PDHX: variants seen among roughly 807,000 people sequenced by gnomAD.
PDHX encodes the protein pyruvate dehydrogenase protein X component, mitochondrial.
PDHX carries 33 observed loss-of-function variants against 55.3 expected under a neutral mutation model. The ratio of observed to expected loss-of-function variants is 0.60; its 90% CI spans 0.45 to 0.80. The LOEUF (loss-of-function observed/expected upper bound fraction) is 0.80, where lower values mean the gene tolerates loss of function less well. PDHX is among the 30% of genes least tolerant of loss of function. The pLI is 0.00. For missense variants in PDHX, 622 were observed against 619.9 expected (o/e 1.00, Z -0.04); for synonymous variants, 226 against 219.4 (o/e 1.03, Z -0.27).
intron 10 of PDHX, among the ~76,000 whole-genome samples, chr11:34,992,909 T>C (rs1465126914): frequency 6.6e-6 from 1 of 151,620 alleles, no homozygotes; most frequent in Non-Finnish European, 1.5e-5. Flanking sequence ...CTTTAGCAGC[T>C]ACTACCAAAC....
At chr11:34,959,521 G>C (rs1041610053) in intron 4 of PDHX, among the ~76,000 whole-genome samples, 1 of 151,720 alleles carries the variant, frequency 6.6e-6, no homozygotes, top group Admixed American at 6.6e-5. Context: ...TGCAGCTACT[G>C]TGGAAAACAG....
chr11:34,985,768 T>C (rs1358403669), intron 9 of PDHX, among the ~76,000 whole-genome samples: 2 of 151,996 alleles, frequency 1.3e-5, no homozygotes, highest in African/African-American at 4.8e-5. Context: ...AGATATGAGG[T>C]AGAACGTAAG....
rs531195234 is a variant in PDHX, at chr11:34,970,135, G to T, written c.817-4G>T. 1.1e-5 allele frequency: 18 copies of T among 1,612,062 alleles called. No homozygotes were observed. In the African/African-American group the frequency reaches 2.3e-4, roughly 20 times the overall value. On this transcript the variant is annotated splice_region_variant and splice_polypyrimidine_tract_variant and intron_variant, in intron 6 of 10. Transcript: ENST00000227868. ...TTAACGGACAGGTTGCTGTCTTTTT[G>T]CAGGGCACATTCACTGAAATCCCCG...
chr11:34,959,406 C>A (rs1590752204), intron 4 of PDHX, among the ~76,000 whole-genome samples: 1 of 27,118 alleles, frequency 3.7e-5, no homozygotes, highest in Non-Finnish European at 1.7e-4. Flanking sequence ...AGTATCAAAA[C>A]AAACAAACAA....
chr11:34,961,375 G>T (rs1029492738), intron 5 of PDHX, among the ~76,000 whole-genome samples: 2 of 152,060 alleles, frequency 1.3e-5, no homozygotes, highest in Admixed American at 1.3e-4. Context: ...AATCAAATAG[G>T]CTTATGAACT....
rs1192482727 is a variant in PDHX at position 34,950,717 on chromosome 11, A to G, written c.342+3111A>G. 7.3e-5 allele frequency among the ~76,000 whole-genome samples: 11 copies of G among 150,492 alleles called. No homozygotes were observed. In the South Asian group the frequency reaches 2.3e-3, roughly 32 times the overall value. On this transcript the variant is annotated intron_variant, in intron 3 of 10. Coordinates refer to ENST00000227868, the MANE Select transcript of PDHX (RefSeq NM_003477.3). ...AAAGGACATGAACTCATCATTTTTT[A>G]TGGCTGCATAGTATTCCATGGTGTA...
intron 1 of PDHX, among the ~76,000 whole-genome samples, chr11:34,922,569 T>C (rs1853910294): frequency 6.6e-6 from 1 of 152,192 alleles, no homozygotes; most frequent in Non-Finnish European, 1.5e-5. Context: ...AAGTTCACCG[T>C]GTGTACATCC....
At chr11:34,920,731 A>G (rs1383023959) in intron 1 of PDHX, among the ~76,000 whole-genome samples, 3 of 151,860 alleles carry the variant, frequency 2.0e-5, no homozygotes, top group Admixed American at 6.6e-5. Flanking sequence ...TATTTGCATC[A>G]CCTCTAGTTG....
At chr11:34,968,589 A>G (rs888976039) in intron 6 of PDHX, among the ~76,000 whole-genome samples, 2 of 152,244 alleles carry the variant, frequency 1.3e-5, no homozygotes, top group African/African-American at 4.8e-5. Flanking sequence ...TATCTCATTC[A>G]TACTTTCTAT....
chr11:34,990,757 A>G (rs978396001), intron 9 of PDHX, among the ~76,000 whole-genome samples: 1 of 152,174 alleles, frequency 6.6e-6, no homozygotes, highest in Admixed American at 6.5e-5. Flanking sequence ...CCACATCCAA[A>G]TAGCATACAC....
At chr11:34,932,020 A>T (rs1854188646) in intron 2 of PDHX, among the ~76,000 whole-genome samples, 1 of 152,192 alleles carries the variant, frequency 6.6e-6, no homozygotes, top group Non-Finnish European at 1.5e-5. Flanking sequence ...TGCTTAAAAG[A>T]CAGACCAGTG....
At chr11:34,949,238 T>TTTTTTG (rs1003544099) in intron 3 of PDHX, among the ~76,000 whole-genome samples, 10 of 149,726 alleles carry the variant, frequency 6.7e-5, no homozygotes, top group East Asian at 1.9e-4. Context: ...TTTTCTTCTG[T>TTTTTTG]TTTTTGTTTT....
intron 5 of PDHX, among the ~76,000 whole-genome samples, chr11:34,961,790 A>C (rs1373161831): frequency 6.6e-6 from 1 of 151,016 alleles, no homozygotes; most frequent in Middle Eastern, 3.4e-3. Flanking sequence ...GCCACACTGC[A>C]TGAGTTGGAA....
At chr11:34,937,401 T>TG (rs1201763508) in intron 2 of PDHX, among the ~76,000 whole-genome samples, 3 of 151,104 alleles carry the variant, frequency 2.0e-5, no homozygotes, top group African/African-American at 7.3e-5. Flanking sequence ...GTTGAGGCCA[T>TG]GTGCACCACT....
chr11:34,973,993 G>A (rs1855311413), intron 7 of PDHX, among the ~76,000 whole-genome samples: 1 of 151,996 alleles, frequency 6.6e-6, no homozygotes, highest in Non-Finnish European at 1.5e-5. Context: ...CTTTCACATT[G>A]TTCCTTTTTA....
rs188930453 is a variant in PDHX at position 34,947,489 on chromosome 11, C to T, written c.242-17C>T. On this transcript the variant is annotated splice_polypyrimidine_tract_variant and intron_variant, in intron 2 of 10. Coordinates refer to ENST00000227868, the MANE Select transcript of PDHX (RefSeq NM_003477.3). ...TTATATTTTAAAAAACAAAACAAAC[C>T]CAGTCTTGTTTTGTAGGTGAAGCGG... The T allele has an allele frequency of 8.1e-5, 127 of 1,568,674 alleles. No individual in the cohort carries two copies. The African/African-American group carries it at 1.3e-3, about 16-fold the overall frequency.
chr11:34,951,484 T>A (rs994364660), intron 3 of PDHX, among the ~76,000 whole-genome samples: 1 of 152,230 alleles, frequency 6.6e-6, no homozygotes, highest in African/African-American at 2.4e-5. Context: ...TTTGGCTGCA[T>A]AAATGTCTTC....
chr11:34,979,167 TG>T (rs1254408729), intron 8 of PDHX, among the ~76,000 whole-genome samples: 2 of 152,116 alleles, frequency 1.3e-5, no homozygotes, highest in African/African-American at 2.4e-5. Context: ...GCCCAAGCAA[TG>T]GGAGGAATGA....
At position 34,957,422 on chromosome 11, in the gene PDHX, A is replaced by G. The variant is rs1854928723; in HGVS notation, c.381A>G (p.Leu127=). ...EGSKNIRLGS[L]IGLIVEEGED... is the part of the protein sequence containing the mutation. ...GTAAAAATATACGGCTAGGTTCACT[A>G]ATTGGTTTGATAGTAGAAGAAGGAG... The change falls in exon 4 of 11, where the codon CTA becomes CTG. Residue 127 remains leucine (L), a synonymous_variant. Transcript: ENST00000227868. The G allele has an allele frequency of 1.2e-6, 2 of 1,612,548 alleles. No homozygotes were observed. The highest frequency in any genetic ancestry group is 1.3e-5 in the African/African-American group (1 of 74,856).
Sources: allele counts gnomAD v4.1 joint callset (sites outside exome capture counted in the v4.1 genomes callset), GRCh38; gene constraint gnomAD v4.1.1; transcripts MANE v1.5; gene names NCBI Gene and HGNC (gene_info 2026-07-23, HGNC 2026-07-21).